Variants in DCDC1 observed in about 807,000 individuals in gnomAD.
DCDC1 encodes doublecortin domain containing 1.
A neutral mutation model predicts 178.3 loss-of-function variants in DCDC1; 200 were observed. That is an observed-to-expected ratio of 1.12 (90% CI 1.00 to 1.26). The LOEUF is 1.26. DCDC1 is among the 50% of genes most tolerant of loss of function. The probability of loss-of-function intolerance (pLI) is 0.00; values close to 1 mark genes in which losing one functional copy is unlikely to be tolerated. For synonymous variants in DCDC1, 690 were observed against 604.8 expected (o/e 1.14, Z -2.07); for missense variants, 1,983 against 1,749.2 (o/e 1.13, Z -2.38).
intron 9 of DCDC1, among the ~76,000 whole-genome samples, chr11:31,159,733 G>C (rs1035237796): frequency 6.6e-6 from 1 of 152,098 alleles, no homozygotes; most frequent in Non-Finnish European, 1.5e-5. Context: ...CTTGACAAAT[G>C]AATTGTGAGG....
chr11:31,039,567 C>T (rs1468713500), intron 20 of DCDC1, among the ~76,000 whole-genome samples: 2 of 152,018 alleles, frequency 1.3e-5, no homozygotes, highest in Non-Finnish European at 1.5e-5. Flanking sequence ...ATGGTAGGCA[C>T]TTGGTACATT....
Position 30,899,629 on chromosome 11 carries a change from T to C in DCDC1, c.4677A>G (p.Ala1559=). 6.4e-7 allele frequency: 1 copy of C among 1,564,254 alleles called. No individual in the cohort carries two copies. The highest frequency in any genetic ancestry group is 8.7e-7 in the Non-Finnish European group (1 of 1,154,342). ...GCCAGTTCTGTTTCTCTAATTTTTC[T>C]GCTTTCTGCAAAGCTAGAATAATAA... ...PFLPPNALQK[A]EKLEKQNWLK... Residue 1559 remains alanine, a synonymous_variant, in exon 34 of 39, where the codon GCA becomes GCG. Coordinates refer to ENST00000684477, the MANE Select transcript of DCDC1 (RefSeq NM_001387274.1).
chr11:31,214,727 G>C (rs1054389450), intron 9 of DCDC1, among the ~76,000 whole-genome samples: 51 of 152,086 alleles, frequency 3.4e-4, no homozygotes, highest in African/African-American at 1.2e-3. Flanking sequence ...TTACAAATAA[G>C]ATAACAGAAA....
At chr11:31,279,471 G>A (rs1308124049) in intron 7 of DCDC1, among the ~76,000 whole-genome samples, 6 of 152,074 alleles carry the variant, frequency 3.9e-5, no homozygotes, top group Admixed American at 3.9e-4. Context: ...TGTTCACAAT[G>A]GCGAAGACTT....
chr11:31,060,050 GA>G (rs1263583992), intron 20 of DCDC1, among the ~76,000 whole-genome samples: 2 of 151,770 alleles, frequency 1.3e-5, no homozygotes, highest in African/African-American at 4.8e-5. Flanking sequence ...CTTGAATAAA[GA>G]AAAAAGCATG....
chr11:31,044,138 C>T (rs549988416), intron 20 of DCDC1, among the ~76,000 whole-genome samples: 1 of 151,960 alleles, frequency 6.6e-6, no homozygotes, highest in African/African-American at 2.4e-5. Context: ...TTAAACACAG[C>T]GAGTTTTCAC....
intron 3 of DCDC1, among the ~76,000 whole-genome samples, chr11:31,322,977 TA>T (rs1270034594): frequency 6.6e-6 from 1 of 152,212 alleles, no homozygotes; most frequent in African/African-American, 2.4e-5. Context: ...TTAGTTTTAT[TA>T]AACACCTTTA....
intron 36 of DCDC1, among the ~76,000 whole-genome samples, chr11:30,885,421 A>ATTGGAAAT (rs1943076478): frequency 6.6e-6 from 1 of 152,016 alleles, no homozygotes; most frequent in African/African-American, 2.4e-5. Context: ...ACAATAGTAA[A>ATTGGAAAT]TTGGAAATTT....
chr11:31,047,303 T>C (rs1427226372), intron 20 of DCDC1, among the ~76,000 whole-genome samples: 1 of 152,206 alleles, frequency 6.6e-6, no homozygotes, highest in Non-Finnish European at 1.5e-5. Context: ...ACAGAAAATC[T>C]TAATGTCTGT....
intron 38 of DCDC1, among the ~76,000 whole-genome samples, chr11:30,871,989 A>C (rs865829277): frequency 2.6e-5 from 4 of 152,172 alleles, no homozygotes; most frequent in Middle Eastern, 3.4e-3. Context: ...ACTAATGTGA[A>C]TGTTGGACTA....
At chr11:31,159,366 A>G (rs957374814) in intron 9 of DCDC1, among the ~76,000 whole-genome samples, 5 of 152,202 alleles carry the variant, frequency 3.3e-5, no homozygotes, top group African/African-American at 1.2e-4. Flanking sequence ...TTTTAAGTAC[A>G]ATTTCATAGG....
At position 31,094,158 on chromosome 11, in the gene DCDC1, G is replaced by C. The variant is rs368437846; in HGVS notation, c.2010C>G (p.Ala670=). 1.3e-6 allele frequency: 1 copy of C among 766,128 alleles called. No homozygotes were observed. Among genetic ancestry groups the C allele is most frequent in the Middle Eastern group, 2.3e-4 (1 of 4,436 alleles). The allele number at this position is 766,128 out of a possible 1,614,324, so 47.5% of individuals were successfully genotyped here. The change falls in exon 16 of 39, where the codon GCC becomes GCG. Residue 670 remains alanine (A), a synonymous_variant. Transcript: ENST00000684477. ...AACTCCACTTTCCAATGGAAACAGA[G>C]GCATGAAGGACAATATTGGGATCTA... The part of the protein sequence containing the change: ...NKVDPNIVLH[A]SVSIGKWSFS...
At chr11:31,197,874 T>A (rs1448129256) in intron 9 of DCDC1, among the ~76,000 whole-genome samples, 1 of 152,030 alleles carries the variant, frequency 6.6e-6, no homozygotes, top group Non-Finnish European at 1.5e-5. Flanking sequence ...CACTTACTGG[T>A]CAAGTCATCT....
At chr11:31,026,246 A>G (rs762006063) in intron 20 of DCDC1, among the ~76,000 whole-genome samples, 2 of 151,820 alleles carry the variant, frequency 1.3e-5, no homozygotes, top group Non-Finnish European at 3.0e-5. Context: ...TTACAACATT[A>G]CTGCCTTAAT....
At chr11:31,005,829 G>A (rs1392283554) in intron 20 of DCDC1, among the ~76,000 whole-genome samples, 1 of 151,092 alleles carries the variant, frequency 6.6e-6, no homozygotes, top group Non-Finnish European at 1.5e-5. Flanking sequence ...GCTTCTCATA[G>A]TCTTTAACTT....
At chr11:30,919,229 A>T (rs1188798754) in intron 25 of DCDC1, among the ~76,000 whole-genome samples, 2 of 152,184 alleles carry the variant, frequency 1.3e-5, no homozygotes, top group East Asian at 3.9e-4. Flanking sequence ...TATAGGGCAT[A>T]GTACAGAGAA....
chr11:31,223,059 ATAGT>A (rs1203417293), intron 9 of DCDC1, among the ~76,000 whole-genome samples: 3 of 152,188 alleles, frequency 2.0e-5, no homozygotes, highest in Non-Finnish European at 4.4e-5. Context: ...TGATTCTGAA[ATAGT>A]TACATTGGTA....
chr11:31,315,174 C>T (rs1308069661), intron 3 of DCDC1, among the ~76,000 whole-genome samples: 1 of 152,036 alleles, frequency 6.6e-6, no homozygotes, highest in African/African-American at 2.4e-5. Flanking sequence ...TTGAAGAAAA[C>T]TCCTAGTAAA....
At chr11:31,220,992 T>C (rs1974196785) in intron 9 of DCDC1, among the ~76,000 whole-genome samples, 1 of 152,176 alleles carries the variant, frequency 6.6e-6, no homozygotes, top group Non-Finnish European at 1.5e-5. Flanking sequence ...TATGACTTCA[T>C]TTAACCTTAA....
Sources: allele counts gnomAD v4.1 joint callset (sites outside exome capture counted in the v4.1 genomes callset), GRCh38; gene constraint gnomAD v4.1.1; transcripts MANE v1.5; gene names NCBI Gene and HGNC (gene_info 2026-07-23, HGNC 2026-07-21).